The following L3MBTL3 variants were observed in gnomAD, a reference collection of about 807,000 sequenced individuals.
The protein encoded by L3MBTL3 is lethal(3)malignant brain tumor-like protein 3.
L3MBTL3 carries 27 observed loss-of-function variants against 102.3 expected under a neutral mutation model. The ratio of observed to expected loss-of-function variants is 0.26; its 90% CI spans 0.19 to 0.36. The LOEUF is 0.36. Among genes scored for constraint, L3MBTL3 ranks in the 10% least tolerant of loss-of-function variants. The pLI is 1.00. For missense variants in L3MBTL3, 798 were observed against 955.3 expected (o/e 0.84, Z 2.17); for synonymous variants, 340 against 320.9 (o/e 1.06, Z -0.64).
chr6:130,057,720 T>G (rs1456601063), intron 9 of L3MBTL3, among the ~76,000 whole-genome samples: 1 of 152,210 alleles, frequency 6.6e-6, no homozygotes, highest in Non-Finnish European at 1.5e-5. Flanking sequence ...CGTGTGCTCT[T>G]CTCTCTCAGC....
chr6:130,124,359 G>A (rs1786453005), intron 20 of L3MBTL3, among the ~76,000 whole-genome samples: 1 of 152,108 alleles, frequency 6.6e-6, no homozygotes, highest in African/African-American at 2.4e-5. Flanking sequence ...CAGATGTTTG[G>A]TCTGTTTTTC....
intron 4 of L3MBTL3, 144 bp from the exon 5 acceptor site, chr6:130,049,612 C>T: frequency 2.2e-6 from 2 of 923,770 alleles, no homozygotes; most frequent in Non-Finnish European, 3.4e-6. Flanking sequence ...TCTGTAGTAG[C>T]ACAAGGTTAG....
rs367904707 is a variant in L3MBTL3, at chr6:130,104,615, CTAATT to C, written c.1886+44_1886+48del. The stretch of plus-strand genomic sequence containing the variant: ...AATATTAGCATTGTTTAGAAGTACT[CTAATT>C]TAAAGAGATTTTTTATCTTTTAGAT... On this transcript the variant is annotated intron_variant, in intron 19 of 22. Transcript: ENST00000361794. 2.7e-3 allele frequency: 3,776 copies of C among 1,379,754 alleles called. 42 individuals are homozygous for C. The South Asian group carries it at 0.029, about 11-fold the overall frequency. 85.5% of individuals were successfully genotyped at this position (1,379,754 alleles called of 1,614,324 possible).
intron 10 of L3MBTL3, among the ~76,000 whole-genome samples, chr6:130,066,058 G>A (rs557718412): frequency 9.9e-5 from 15 of 152,182 alleles, no homozygotes; most frequent in African/African-American, 3.4e-4. Context: ...TACAACATAG[G>A]GAGTGGAGAA....
At chr6:130,086,314 T>C (rs1055811988) in intron 16 of L3MBTL3, 64 bp downstream of exon 16, 34 of 1,065,456 alleles carry the variant, frequency 3.2e-5, no homozygotes, top group Non-Finnish European at 3.8e-5. Context: ...ATAAAAACTT[T>C]GGTAGATACT....
At position 130,120,953 on chromosome 6, in the gene L3MBTL3, C is replaced by T. The variant is rs762872112; in HGVS notation, c.1961C>T (p.Ala654Val). The change falls in exon 20 of 23, where the codon GCC (alanine) becomes GTC (valine). Residue 654 changes from alanine (A) to valine (V), a missense_variant. Physicochemically the swap from Ala to Val is moderately conservative, Grantham distance 64 (BLOSUM62 0). Coordinates refer to ENST00000361794, the MANE Select transcript of L3MBTL3 (RefSeq NM_032438.4). ...TESEMRTSHE[A>V]RGAREEPTVQ... ...AGTGAAATGAGAACATCACATGAAGCCAGAGGTAGCCATAATAATTCTCAT... is the reference window on the plus strand; with the variant it reads ...AGTGAAATGAGAACATCACATGAAGTCAGAGGTAGCCATAATAATTCTCAT... The T allele has an allele frequency of 1.2e-6, 2 of 1,602,990 alleles. No individual in the cohort carries two copies. Among genetic ancestry groups the T allele is most frequent in the Admixed American group, 3.4e-5 (2 of 59,604 alleles).
chr6:130,081,547 T>A (rs894867950), intron 14 of L3MBTL3, among the ~76,000 whole-genome samples: 75 of 151,626 alleles, frequency 4.9e-4, no homozygotes, highest in African/African-American at 1.8e-3. Context: ...GCCTCCTGAG[T>A]AGCTGGGACT....
intron 19 of L3MBTL3, among the ~76,000 whole-genome samples, chr6:130,108,394 C>G (rs1431348171): frequency 6.6e-6 from 1 of 151,668 alleles, no homozygotes; most frequent in Non-Finnish European, 1.5e-5. Context: ...GCCACCACGC[C>G]CAGCTAATTT....
intron 1 of L3MBTL3, among the ~76,000 whole-genome samples, 155 bp downstream of exon 1, chr6:130,018,819 G>C (rs1778728828): frequency 6.6e-6 from 1 of 152,178 alleles, no homozygotes; most frequent in Admixed American, 6.5e-5. Flanking sequence ...CAGGGGAGGG[G>C]AGGGACAGAA....
intron 14 of L3MBTL3, among the ~76,000 whole-genome samples, chr6:130,080,577 G>A (rs1332576524): frequency 6.6e-6 from 1 of 152,140 alleles, no homozygotes; most frequent in Non-Finnish European, 1.5e-5. Flanking sequence ...AAGGAGTGGT[G>A]TAAGGCGTTA....
intron 3 of L3MBTL3, among the ~76,000 whole-genome samples, chr6:130,046,242 C>A (rs112004691): frequency 3.0e-4 from 45 of 152,214 alleles, no homozygotes; most frequent in African/African-American, 1.1e-3. Flanking sequence ...AAGAGCAAGA[C>A]CCTGCCTGCA....
At chr6:130,137,322 A>T (rs1310014238) in intron 22 of L3MBTL3, among the ~76,000 whole-genome samples, 3 of 152,226 alleles carry the variant, frequency 2.0e-5, no homozygotes, top group Non-Finnish European at 4.4e-5. Context: ...GAATAATGGC[A>T]TTGTATATGC....
intron 3 of L3MBTL3, among the ~76,000 whole-genome samples, chr6:130,047,631 T>TA (rs1332943186): frequency 1.2e-4 from 19 of 152,226 alleles, no homozygotes; most frequent in African/African-American, 4.3e-4. Flanking sequence ...AAAGTAAAAT[T>TA]ACCTGAAGTG....
intron 19 of L3MBTL3, among the ~76,000 whole-genome samples, chr6:130,118,850 GA>G (rs1785913892): frequency 6.6e-6 from 1 of 152,080 alleles, no homozygotes; most frequent in Non-Finnish European, 1.5e-5. Context: ...CAGGTATGAG[GA>G]AATTTTTTGG....
chr6:130,137,711 GTAA>G (rs1414247019), intron 22 of L3MBTL3: 4 of 152,088 alleles, frequency 2.6e-5, no homozygotes, highest in Non-Finnish European at 5.9e-5. Flanking sequence ...GGCCAAGGTT[GTAA>G]TAAACCAGTC....
intron 20 of L3MBTL3, among the ~76,000 whole-genome samples, chr6:130,130,883 A>G (rs1204532326): frequency 2.0e-5 from 3 of 152,234 alleles, no homozygotes; most frequent in Admixed American, 6.5e-5. Context: ...ACTTTCTAGC[A>G]TTCAGAGCAA....
intron 19 of L3MBTL3, among the ~76,000 whole-genome samples, chr6:130,109,583 T>G (rs1248248972): frequency 1.3e-5 from 2 of 152,214 alleles, no homozygotes; most frequent in Non-Finnish European, 2.9e-5. Context: ...TTTGTTTAAG[T>G]TCCTTATAGA....
chr6:130,091,783 C>T (rs1048697882), intron 16 of L3MBTL3, among the ~76,000 whole-genome samples: 5 of 151,930 alleles, frequency 3.3e-5, no homozygotes, highest in East Asian at 1.9e-4. Flanking sequence ...CTTGTTCTCA[C>T]TCATATGTGG....
chr6:130,056,181 A>G (rs1210468706), intron 8 of L3MBTL3, among the ~76,000 whole-genome samples: 4 of 151,124 alleles, frequency 2.6e-5, no homozygotes, highest in South Asian at 4.2e-4. Flanking sequence ...GCCCGTGTCT[A>G]CCTCCCAAAG....
Sources: allele counts gnomAD v4.1 joint callset (sites outside exome capture counted in the v4.1 genomes callset), GRCh38; gene constraint gnomAD v4.1.1; transcripts MANE v1.5; gene names NCBI Gene and HGNC (gene_info 2026-07-23, HGNC 2026-07-21).